Variants in KLHDC3 observed in about 807,000 individuals in gnomAD.
KLHDC3 encodes kelch domain containing 3, also known as kelch domain-containing protein 3.
In KLHDC3, 5 loss-of-function variants were observed where a neutral mutation model predicts 44.1. The ratio of observed to expected loss-of-function variants is 0.11; its 90% CI spans 0.06 to 0.24. The LOEUF (loss-of-function observed/expected upper bound fraction) is 0.24, where lower values mean the gene tolerates loss of function less well. Among genes scored for constraint, KLHDC3 ranks in the 10% least tolerant of loss-of-function variants. KLHDC3 has a pLI of 1.00. For missense variants in KLHDC3, 247 were observed against 514.3 expected (o/e 0.48, Z 5.03); for synonymous variants, 170 against 189.0 (o/e 0.90, Z 0.82).
Position 43,017,904 on chromosome 6 carries a change from G to A in KLHDC3, c.383G>A (p.Arg128Gln). The A allele has an allele frequency of 1.2e-6, 2 of 1,614,126 alleles. No individual in the cohort carries two copies. Among genetic ancestry groups the A allele is most frequent in the Non-Finnish European group, 1.7e-6 (2 of 1,180,028 alleles). Residue 128 changes from arginine (R) to glutamine (Q), a missense_variant, in exon 4 of 11, where the codon CGG becomes CAG. Transcript: ENST00000326974. The surrounding 1 kb of genome is among the most constrained non-coding windows in gnomAD (Gnocchi z 6.0). The stretch of plus-strand genomic sequence containing the variant: ...GTGTCAGGGACAGTTCCTGGGGCCC[G>A]GGATGGACATTCAGCCTGTGTCCTA... ...PRVSGTVPGA[R>Q]DGHSACVLGK...
In KLHDC3 at chr6:43,018,339, C is replaced by T. The variant is rs1254515276; in HGVS notation, c.520-4C>T. The T allele has an allele frequency of 1.2e-6, 2 of 1,613,138 alleles. No homozygotes were observed. Among genetic ancestry groups the T allele is most frequent in the Non-Finnish European group, 1.7e-6 (2 of 1,179,664 alleles). ...CCCTCCACCATCTCTCTGCCTCTGCCCAGGGCAGCCCTGCACGCTGGAGGG... is the reference window on the plus strand; with the variant it reads ...CCCTCCACCATCTCTCTGCCTCTGCTCAGGGCAGCCCTGCACGCTGGAGGG... On this transcript the variant is annotated splice_polypyrimidine_tract_variant and splice_region_variant and intron_variant, in intron 5 of 10. Coordinates refer to ENST00000326974, the MANE Select transcript of KLHDC3 (RefSeq NM_057161.4). The surrounding 1 kb of genome is among the most constrained non-coding windows in gnomAD (Gnocchi z 6.0).
At chr6:43,016,045 C>T (rs1346796524) in intron 1 of KLHDC3, among the ~76,000 whole-genome samples, 2 of 151,886 alleles carry the variant, frequency 1.3e-5, no homozygotes, top group South Asian at 2.1e-4. Flanking sequence ...AAGCAATTCT[C>T]CTGCCTCAGC....
Position 43,019,183 on chromosome 6 carries a change from T to C in KLHDC3, c.1003+18T>C. 1 of 1,584,516 alleles carries C rather than the reference T, an allele frequency of 6.3e-7. No homozygotes were observed. The highest frequency in any genetic ancestry group is 1.7e-5 in the Admixed American group (1 of 59,996). On this transcript the variant is annotated intron_variant, in intron 9 of 10. Transcript: ENST00000326974. ...GGACTTTAGTAAGTATAGTTATTCC[T>C]GAATTGCTCCTGCCATCAAGGTCCC...
chr6:43,018,565 T>G lies in KLHDC3; in HGVS notation c.733+9T>G. The stretch of plus-strand genomic sequence containing the variant: ...CCGGAGCCACTCGGCCTGTGAGTGT[T>G]TGTTACTTCCCTGTGGAGTTCCCTT... On this transcript the variant is annotated intron_variant, in intron 6 of 10. Transcript: ENST00000326974. This position sits in a 1 kb window ranked among gnomAD's most constrained non-coding sequence, Gnocchi z 6.0. The G allele has an allele frequency of 6.2e-7, 1 of 1,613,862 alleles. No individual in the cohort carries two copies. The highest frequency in any genetic ancestry group is 1.1e-5 in the South Asian group (1 of 91,078).
At chr6:43,019,266 T>G in intron 9 of KLHDC3, 22 bp from the exon 10 acceptor site, 1 of 1,602,686 alleles carries the variant, frequency 6.2e-7, no homozygotes, top group Non-Finnish European at 8.5e-7. Flanking sequence ...ACCATCTCCT[T>G]TCCACAACTT....
At position 43,014,270 on chromosome 6, in the gene KLHDC3, G is replaced by A; in HGVS notation, c.-138G>A. The A allele has an allele frequency of 1.2e-6, 1 of 833,516 alleles. No homozygotes were observed. Among genetic ancestry groups the A allele is most frequent in the African/African-American group, 1.7e-5 (1 of 58,116 alleles). The allele number at this position is 833,516 out of a possible 1,614,324, so 51.6% of individuals were successfully genotyped here. ...CTGTGTTTATCTCGTTGGGGACTAA[G>A]GCGTCGGTTGGCGCGCAACGGGTTC... On this transcript the variant is annotated 5_prime_UTR_variant, in exon 1 of 11. Transcript: ENST00000326974.
intron 10 of KLHDC3, among the ~76,000 whole-genome samples, chr6:43,020,020 A>G (rs1303699631): frequency 1.3e-5 from 2 of 152,148 alleles, no homozygotes; most frequent in Non-Finnish European, 2.9e-5. Context: ...TACTAAAAAT[A>G]CAAAAATTAG....
At chr6:43,020,097 A>T (rs1462074264) in intron 10 of KLHDC3, among the ~76,000 whole-genome samples, 6 of 151,890 alleles carry the variant, frequency 4.0e-5, no homozygotes, top group Non-Finnish European at 8.8e-5. Flanking sequence ...AATTGCTTGA[A>T]CCCGGGAGGC....
At position 43,017,309 on chromosome 6, in the gene KLHDC3, G is replaced by C; in HGVS notation, c.117G>C (p.Glu39Asp). 1.2e-6 allele frequency: 2 copies of C among 1,614,150 alleles called. No homozygotes were observed. Among genetic ancestry groups the C allele is most frequent in the Non-Finnish European group, 1.7e-6 (2 of 1,179,990 alleles). The change falls in exon 2 of 11, where the codon GAG (glutamate) becomes GAC (aspartate). Residue 39 changes from glutamate to aspartate, a missense_variant. Coordinates refer to ENST00000326974, the MANE Select transcript of KLHDC3 (RefSeq NM_057161.4). This position sits in a 1 kb window ranked among gnomAD's most constrained non-coding sequence, Gnocchi z 6.0. ...FGGYCSGEDYETLRQIDVHIF... is the reference protein window; with the variant it reads ...FGGYCSGEDYDTLRQIDVHIF... Reference sequence around the variant, plus strand: ...GTTACTGCTCTGGTGAAGACTATGAGACACTGCGTCAGATAGATGTGCACA... The same window carrying C: ...GTTACTGCTCTGGTGAAGACTATGACACACTGCGTCAGATAGATGTGCACA...
chr6:43,019,025 G>C, intron 8 of KLHDC3, 54 bp downstream of exon 8: 1 of 1,564,134 alleles, frequency 6.4e-7, no homozygotes, highest in Admixed American at 1.7e-5. Flanking sequence ...GAGAGTGGGA[G>C]GTATTTGAAA....
Position 43,017,998 on chromosome 6 carries a change from G to C in KLHDC3, c.447+30G>C, listed in dbSNP as rs750566260. On this transcript the variant is annotated intron_variant, in intron 4 of 10. Coordinates refer to ENST00000326974, the MANE Select transcript of KLHDC3 (RefSeq NM_057161.4). This position sits in a 1 kb window ranked among gnomAD's most constrained non-coding sequence, Gnocchi z 6.0. ...GTCTGGGAATAAAATAAGAGGTTTA[G>C]GGTGGGACTGAGAAAGAGGGGAAGG... 7 of 1,572,578 alleles carry C rather than the reference G, an allele frequency of 4.5e-6. No individual in the cohort carries two copies. The highest frequency in any genetic ancestry group is 1.7e-4 in the Middle Eastern group (1 of 5,984).
In KLHDC3 at chr6:43,020,763, G is replaced by C. The variant is rs1301518414; in HGVS notation, c.*30G>C. The C allele has an allele frequency of 4.4e-6, 7 of 1,573,468 alleles. No homozygotes were observed. The highest frequency in any genetic ancestry group is 1.7e-5 in the Admixed American group (1 of 59,922). ...AAGTTTCTGCCACCTCCCCTCCTGA[G>C]CCTGCTGTCATCTTCACTGCCCCTG... On this transcript the variant is annotated 3_prime_UTR_variant, in exon 11 of 11. Transcript: ENST00000326974.
In KLHDC3 at chr6:43,019,122, A is replaced by T; in HGVS notation, c.960A>T (p.Glu320Asp). The part of the protein sequence containing the change: ...SPSPEEGLGD[E>D]FDLIDHSDLH... ...CTCCTGAGGAAGGCCTGGGAGATGA[A>T]TTTGACCTTATAGATCATTCTGACT... Residue 320 changes from glutamate (E) to aspartate (D), a missense_variant, in exon 9 of 11, where the codon GAA becomes GAT. This residue lies in a region of KLHDC3 where 176 missense variants were observed against 413.5 expected (regional missense o/e 0.43). Coordinates refer to ENST00000326974, the MANE Select transcript of KLHDC3 (RefSeq NM_057161.4). 1 of 1,613,710 alleles carries T rather than the reference A, an allele frequency of 6.2e-7. No individual in the cohort carries two copies. The highest frequency in any genetic ancestry group is 8.5e-7 in the Non-Finnish European group (1 of 1,179,594).
Position 43,020,824 on chromosome 6 carries a change from A to T in KLHDC3, c.*91A>T, listed in dbSNP as rs1194794883. 1 of 971,076 alleles carries T rather than the reference A, an allele frequency of 1.0e-6. No individual in the cohort carries two copies. Among genetic ancestry groups the T allele is most frequent in the Non-Finnish European group, 1.7e-6 (1 of 598,582 alleles). 60.2% of individuals were successfully genotyped at this position (971,076 alleles called of 1,614,324 possible). ...ACCCACCTGCTCCTTTGACCCCTGG[A>T]CTTGGTATACCTCCATGTGGAGTTG... On this transcript the variant is annotated 3_prime_UTR_variant, in exon 11 of 11. Coordinates refer to ENST00000326974, the MANE Select transcript of KLHDC3 (RefSeq NM_057161.4).
In KLHDC3 at chr6:43,017,163, G is replaced by C; in HGVS notation, c.-30G>C. 2 of 1,602,466 alleles carry C rather than the reference G, an allele frequency of 1.2e-6. No individual in the cohort carries two copies. Among genetic ancestry groups the C allele is most frequent in the Non-Finnish European group, 1.7e-6 (2 of 1,175,638 alleles). On this transcript the variant is annotated 5_prime_UTR_variant, in exon 2 of 11. Coordinates refer to ENST00000326974, the MANE Select transcript of KLHDC3 (RefSeq NM_057161.4). This position sits in a 1 kb window ranked among gnomAD's most constrained non-coding sequence, Gnocchi z 6.0. ...CAGAGGCAGCAGGCCGTGCCGGGGG[G>C]GCATGTTGCTGTAACCAGTGGCCCA...
Position 43,017,497 on chromosome 6 carries a change from C to T in KLHDC3, c.155-22C>T. On this transcript the variant is annotated intron_variant, in intron 2 of 10. Coordinates refer to ENST00000326974, the MANE Select transcript of KLHDC3 (RefSeq NM_057161.4). This position sits in a 1 kb window ranked among gnomAD's most constrained non-coding sequence, Gnocchi z 6.0. ...ACAGCCTGGAGGGAGGTTCCCAGGG[C>T]TGAGCAGAGCTGTGCCCACAGTGTC... 6.4e-7 allele frequency: 1 copy of T among 1,573,484 alleles called. No homozygotes were observed.
chr6:43,015,921 A>AT (rs1762560363), intron 1 of KLHDC3, among the ~76,000 whole-genome samples: 1 of 147,290 alleles, frequency 6.8e-6, no homozygotes, highest in East Asian at 2.0e-4. Flanking sequence ...GCCCAAGGGC[A>AT]TTTTTTGCCT....
chr6:43,019,189 G>A (rs748242509), intron 9 of KLHDC3, 24 bp downstream of exon 9: 3 of 1,573,830 alleles, frequency 1.9e-6, no homozygotes, highest in Non-Finnish European at 2.6e-6. Context: ...TTCCTGAATT[G>A]CTCCTGCCAT....
Position 43,017,301 on chromosome 6 carries a change from G to C in KLHDC3, c.109G>C (p.Asp37His), listed in dbSNP as rs532048119. 2 of 1,614,186 alleles carry C rather than the reference G, an allele frequency of 1.2e-6. No individual in the cohort carries two copies. The highest frequency in any genetic ancestry group is 2.7e-5 in the African/African-American group (2 of 75,060). Residue 37 changes from aspartate to histidine, a missense_variant, in exon 2 of 11, where the codon GAC becomes CAC. By Grantham distance (81) the Asp-to-His change is moderately conservative (BLOSUM62 -1). Transcript: ENST00000326974. This position sits in a 1 kb window ranked among gnomAD's most constrained non-coding sequence, Gnocchi z 6.0. ...YSFGGYCSGE[D>H]YETLRQIDVH... is the part of the protein sequence containing the mutation. ...CTTCGGGGGTTACTGCTCTGGTGAAGACTATGAGACACTGCGTCAGATAGA... is the reference window on the plus strand; with the variant it reads ...CTTCGGGGGTTACTGCTCTGGTGAACACTATGAGACACTGCGTCAGATAGA...
Sources: allele counts gnomAD v4.1 joint callset (sites outside exome capture counted in the v4.1 genomes callset), GRCh38; gene constraint gnomAD v4.1.1; regional missense constraint gnomAD v4.1.1; non-coding constraint Gnocchi (gnomAD v3.1); transcripts MANE v1.5; gene names NCBI Gene and HGNC (gene_info 2026-07-23, HGNC 2026-07-21).